The following NR6A1 variants were observed in gnomAD, a reference collection of about 807,000 sequenced individuals.
NR6A1 encodes nuclear receptor subfamily 6 group A member 1, also known as retinoic acid receptor-related testis-associated receptor.
NR6A1 carries 7 observed loss-of-function variants against 59.1 expected under a neutral mutation model. The observed-to-expected ratio is 0.12, with a 90% confidence interval of 0.07 to 0.22. NR6A1 has a LOEUF of 0.22. NR6A1 is among the 10% of genes least tolerant of loss of function. NR6A1 has a pLI of 1.00. For missense variants in NR6A1, 468 were observed against 611.6 expected (o/e 0.77, Z 2.48); for synonymous variants, 243 against 236.1 (o/e 1.03, Z -0.27).
chr9:124,715,755 AAAG>A (rs1455601154), intron 2 of NR6A1, among the ~76,000 whole-genome samples: 1 of 152,236 alleles, frequency 6.6e-6, no homozygotes, highest in Non-Finnish European at 1.5e-5. Context: ...CAACTTTGAA[AAAG>A]AAGGATGGAG....
At chr9:124,600,118 G>A (rs774948985) in intron 2 of NR6A1, among the ~76,000 whole-genome samples, 1 of 152,132 alleles carries the variant, frequency 6.6e-6, no homozygotes, top group Non-Finnish European at 1.5e-5. Flanking sequence ...TCAAGGAGAG[G>A]GACTTGTATC....
intron 2 of NR6A1, among the ~76,000 whole-genome samples, chr9:124,721,858 ATTAT>A (rs59220444): frequency 0.018 from 2,741 of 152,316 alleles, 72 homozygotes; most frequent in African/African-American, 0.061. Context: ...ATAGAAATTA[ATTAT>A]TTAATAAAGC....
intron 2 of NR6A1, among the ~76,000 whole-genome samples, chr9:124,572,643 AG>A (rs1834471612): frequency 6.6e-6 from 1 of 152,200 alleles, no homozygotes; most frequent in Non-Finnish European, 1.5e-5. Flanking sequence ...CGCACACGTC[AG>A]TGGAAGGAAT....
intron 2 of NR6A1, among the ~76,000 whole-genome samples, chr9:124,586,804 G>C (rs145975587): frequency 9.8e-4 from 149 of 152,218 alleles, no homozygotes; most frequent in Middle Eastern, 3.4e-3. Flanking sequence ...CAAAGAAAGA[G>C]GTTTCTTTGT....
intron 2 of NR6A1, among the ~76,000 whole-genome samples, chr9:124,584,264 C>T (rs1291518550): frequency 6.6e-6 from 1 of 151,790 alleles, no homozygotes; most frequent in Non-Finnish European, 1.5e-5. Context: ...TATGCCACCA[C>T]ACCCAGCTAA....
At chr9:124,632,916 T>C (rs865907563) in intron 2 of NR6A1, among the ~76,000 whole-genome samples, 14 of 152,130 alleles carry the variant, frequency 9.2e-5, no homozygotes, top group Admixed American at 9.2e-4. Context: ...ATGAGAAAGT[T>C]GTGGGAGACA....
chr9:124,542,133 T>C (rs906048794), intron 4 of NR6A1, among the ~76,000 whole-genome samples: 16 of 152,238 alleles, frequency 1.1e-4, no homozygotes, highest in Admixed American at 9.8e-4. Context: ...CTGTACTGTA[T>C]AATTAAAATT....
intron 2 of NR6A1, among the ~76,000 whole-genome samples, chr9:124,663,308 T>C (rs1158362829): frequency 6.6e-6 from 1 of 152,162 alleles, no homozygotes; most frequent in Non-Finnish European, 1.5e-5. Context: ...TCAAATAAAT[T>C]GGACGTGATA....
chr9:124,729,243 C>T (rs1839816406), intron 2 of NR6A1, among the ~76,000 whole-genome samples: 1 of 152,144 alleles, frequency 6.6e-6, no homozygotes, highest in African/African-American at 2.4e-5. Context: ...ATTGTGTTCA[C>T]ATCATAGTAT....
At chr9:124,621,549 G>C (rs1836076794) in intron 2 of NR6A1, among the ~76,000 whole-genome samples, 1 of 151,806 alleles carries the variant, frequency 6.6e-6, no homozygotes, top group Admixed American at 6.6e-5. Flanking sequence ...AGTAACTTAG[G>C]AGGATACGGT....
intron 2 of NR6A1, among the ~76,000 whole-genome samples, chr9:124,632,007 T>C (rs1364109012): frequency 1.3e-5 from 2 of 152,230 alleles, no homozygotes; most frequent in Non-Finnish European, 2.9e-5. Flanking sequence ...CTTGTATTTT[T>C]TTCTTATGGC....
intron 2 of NR6A1, among the ~76,000 whole-genome samples, chr9:124,596,945 T>C (rs1439533088): frequency 1.3e-5 from 2 of 152,250 alleles, no homozygotes; most frequent in Non-Finnish European, 2.9e-5. Flanking sequence ...TGTTTCATTC[T>C]ATGAAATCTC....
At chr9:124,652,649 G>A (rs1837139310) in intron 2 of NR6A1, among the ~76,000 whole-genome samples, 2 of 152,204 alleles carry the variant, frequency 1.3e-5, no homozygotes, top group South Asian at 4.2e-4. Context: ...ACCATGACCA[G>A]GTCAGAAATG....
In NR6A1 at chr9:124,733,369, A is replaced by G. The variant is rs1426481324; in HGVS notation, c.101-20T>C. On this transcript the variant is annotated intron_variant, in intron 1 of 9. Coordinates refer to ENST00000487099, the MANE Select transcript of NR6A1 (RefSeq NM_033334.4). ...AGAAACCTAAAGAGAAAACAATAGG[A>G]AAAAAAATTACAATTTGTGAATTAC... 3.2e-6 allele frequency: 5 copies of G among 1,581,272 alleles called. No individual in the cohort carries two copies. Among genetic ancestry groups the G allele is most frequent in the African/African-American group, 1.5e-5 (1 of 65,316 alleles).
chr9:124,593,319 C>G (rs1299108639), intron 2 of NR6A1, among the ~76,000 whole-genome samples: 1 of 152,100 alleles, frequency 6.6e-6, no homozygotes, highest in African/African-American at 2.4e-5. Context: ...ATGTGTTACT[C>G]AAATCCTAAC....
At chr9:124,721,879 T>G (rs1839574099) in intron 2 of NR6A1, among the ~76,000 whole-genome samples, 1 of 152,250 alleles carries the variant, frequency 6.6e-6, no homozygotes, top group Non-Finnish European at 1.5e-5. Flanking sequence ...AAGCAGGGGC[T>G]CTGAAGTCTC....
chr9:124,695,052 T>C (rs1401163961), intron 2 of NR6A1, among the ~76,000 whole-genome samples: 2 of 152,124 alleles, frequency 1.3e-5, no homozygotes, highest in Admixed American at 6.5e-5. Flanking sequence ...GCAAAGTAAA[T>C]AAAGTTCACT....
At chr9:124,667,180 ACCCGCCAC>A (rs1364622936) in intron 2 of NR6A1, among the ~76,000 whole-genome samples, 1 of 150,982 alleles carries the variant, frequency 6.6e-6, no homozygotes, top group Admixed American at 6.6e-5. Context: ...GATTACAGGC[ACCCGCCAC>A]GCCTGGCTAA....
At chr9:124,756,113 T>G (rs1254508944) in intron 1 of NR6A1, among the ~76,000 whole-genome samples, 2 of 152,214 alleles carry the variant, frequency 1.3e-5, no homozygotes, top group Non-Finnish European at 2.9e-5. Flanking sequence ...TGATCTTCAA[T>G]GTACACCCAA....
Sources: allele counts gnomAD v4.1 joint callset (sites outside exome capture counted in the v4.1 genomes callset), GRCh38; gene constraint gnomAD v4.1.1; transcripts MANE v1.5; gene names NCBI Gene and HGNC (gene_info 2026-07-23, HGNC 2026-07-21).